Variants in LRRC36 observed in about 807,000 individuals in gnomAD.
LRRC36 encodes leucine rich repeat containing 36.
LRRC36 carries 62 observed loss-of-function variants against 81.1 expected under a neutral mutation model. The observed-to-expected ratio is 0.76, with a 90% CI of 0.62 to 0.94. The LOEUF is 0.94. LRRC36 is among the 40% of genes least tolerant of loss of function. LRRC36 has a pLI of 0.00. For synonymous variants in LRRC36, 334 were observed against 348.6 expected (o/e 0.96, Z 0.47); for missense variants, 761 against 881.7 (o/e 0.86, Z 1.73).
intron 9 of LRRC36, chr16:67,371,899 T>C (rs2142134344): frequency 6.5e-6 from 1 of 153,066 alleles, no homozygotes; most frequent in African/African-American, 2.4e-5. Context: ...AATAAAAGCA[T>C]TGCTTTGCTT....
At chr16:67,361,860 C>T (rs1054913673) in intron 5 of LRRC36, among the ~76,000 whole-genome samples, 1 of 152,122 alleles carries the variant, frequency 6.6e-6, no homozygotes, top group Admixed American at 6.5e-5. Context: ...AGCCACCATG[C>T]CTGGCCCTAA....
Position 67,346,408 on chromosome 16 carries a change from G to A in LRRC36, c.351G>A (p.Arg117=). Reference sequence around the variant, plus strand: ...TTGTAAGGAAAGATACAGATTATAGGCTCTTTGCTGTATATACACTACAAA... The same window carrying A: ...TTGTAAGGAAAGATACAGATTATAGACTCTTTGCTGTATATACACTACAAA... The part of the protein sequence containing the change: ...NPVVRKDTDY[R]LFAVYTLQTL... The change falls in exon 3 of 14, where the codon AGG becomes AGA. Residue 117 remains arginine, a synonymous_variant. Transcript: ENST00000329956. 1 of 1,612,502 alleles carries A rather than the reference G, an allele frequency of 6.2e-7. No homozygotes were observed. The highest frequency in any genetic ancestry group is 8.5e-7 in the Non-Finnish European group (1 of 1,178,962).
intron 5 of LRRC36, among the ~76,000 whole-genome samples, chr16:67,358,494 ATT>A (rs112646894): frequency 6.4e-4 from 86 of 134,418 alleles, no homozygotes; most frequent in Admixed American, 9.0e-4. Context: ...GTCGCCACTA[ATT>A]TTTTTTTTTT....
intron 10 of LRRC36, among the ~76,000 whole-genome samples, chr16:67,375,909 C>A (rs928919398): frequency 6.6e-6 from 1 of 152,158 alleles, no homozygotes; most frequent in African/African-American, 2.4e-5. Context: ...ATGTTGGCTT[C>A]ATGCATTTAT....
At chr16:67,352,642 CTTAT>C (rs140957876) in intron 5 of LRRC36, among the ~76,000 whole-genome samples, 34,739 of 142,638 alleles carry the variant, frequency 0.24, 4,339 homozygotes, top group Middle Eastern at 0.38. Flanking sequence ...AAATAAATGT[CTTAT>C]TTATTTATTT....
intron 1 of LRRC36, among the ~76,000 whole-genome samples, chr16:67,341,221 T>C (rs996184831): frequency 2.9e-5 from 4 of 139,390 alleles, no homozygotes; most frequent in African/African-American, 1.0e-4. Flanking sequence ...ATTTAATATA[T>C]AATTTAATAT....
chr16:67,369,183 A>C (rs2039530670), intron 8 of LRRC36, among the ~76,000 whole-genome samples: 1 of 152,192 alleles, frequency 6.6e-6, no homozygotes, highest in South Asian at 2.1e-4. Context: ...ATCTCACCAA[A>C]AGAGTGAATA....
At chr16:67,366,895 A>G in intron 7 of LRRC36, 122 bp from the exon 8 acceptor site, 2 of 736,978 alleles carry the variant, frequency 2.7e-6, no homozygotes, top group Non-Finnish European at 4.5e-6. Flanking sequence ...AGAATTATAA[A>G]CCACCTCTTC....
chr16:67,346,633 G>A (rs555879585), intron 3 of LRRC36, among the ~76,000 whole-genome samples, 185 bp downstream of exon 3: 2 of 152,250 alleles, frequency 1.3e-5, no homozygotes, highest in African/African-American at 4.8e-5. Flanking sequence ...TTGAATGACA[G>A]TCTATGATTT....
rs1254262217 is a variant in LRRC36 at position 67,367,845 on chromosome 16, G to A, written c.1195+388G>A. Among the ~76,000 whole-genome samples the A allele has an allele frequency of 2.0e-5, 3 of 152,276 alleles. No homozygotes were observed. The East Asian group carries it at 5.8e-4, about 29-fold the overall frequency. ...AGCCGGGTGGATCACGAGGTCAGGA[G>A]TTCGACACCAGCCTGGCCAACATGG... On this transcript the variant is annotated intron_variant, in intron 8 of 13. Transcript: ENST00000329956.
At position 67,347,541 on chromosome 16, in the gene LRRC36, T is replaced by C. The variant is rs1412249043; in HGVS notation, c.438T>C (p.His146=). ...GTGAGAGAAAAGCTGCCAAGCTGCATTTTAGTCAGTTGGGCAACAGTGAAA... is the reference window on the plus strand; with the variant it reads ...GTGAGAGAAAAGCTGCCAAGCTGCACTTTAGTCAGTTGGGCAACAGTGAAA... ...REGERKAAKL[H]FSQLGNSENF... Residue 146 remains histidine (H), a synonymous_variant, in exon 4 of 14, where the codon CAT becomes CAC. Transcript: ENST00000329956. 3.7e-6 allele frequency: 6 copies of C among 1,613,022 alleles called. No individual in the cohort carries two copies. Among genetic ancestry groups the C allele is most frequent in the Non-Finnish European group, 5.1e-6 (6 of 1,179,146 alleles).
chr16:67,341,376 C>T (rs2038075446), intron 1 of LRRC36, among the ~76,000 whole-genome samples: 1 of 149,640 alleles, frequency 6.7e-6, no homozygotes. Flanking sequence ...CTTGTAACAC[C>T]TTATGAATTG....
intron 1 of LRRC36, among the ~76,000 whole-genome samples, chr16:67,327,623 A>G (rs1205510756): frequency 6.6e-6 from 1 of 152,154 alleles, no homozygotes; most frequent in Non-Finnish European, 1.5e-5. Flanking sequence ...AGAGATGAAA[A>G]TTTTGGAGAC....
chr16:67,355,847 T>G (rs1344582962), intron 5 of LRRC36, among the ~76,000 whole-genome samples: 2 of 152,046 alleles, frequency 1.3e-5, no homozygotes, highest in South Asian at 2.1e-4. Flanking sequence ...ATGGCAGATA[T>G]GGAAACAAAG....
intron 1 of LRRC36, among the ~76,000 whole-genome samples, chr16:67,332,917 G>T (rs1267086825): frequency 6.6e-6 from 1 of 151,136 alleles, no homozygotes; most frequent in Non-Finnish European, 1.5e-5. Context: ...AAAAAAACAT[G>T]GTCTTATTCT....
intron 9 of LRRC36, among the ~76,000 whole-genome samples, chr16:67,372,665 G>A (rs1428563286): frequency 6.6e-6 from 1 of 152,224 alleles, no homozygotes; most frequent in Non-Finnish European, 1.5e-5. Flanking sequence ...GCCCTGTAAG[G>A]AAGCAGGAGA....
intron 1 of LRRC36, among the ~76,000 whole-genome samples, chr16:67,334,445 C>G (rs1361221000): frequency 1.3e-5 from 2 of 152,148 alleles, no homozygotes; most frequent in African/African-American, 4.8e-5. Flanking sequence ...ATGCCTCAGC[C>G]TCCCAAGTAG....
rs1392531773 is a variant in LRRC36, at chr16:67,349,256, A to G, written c.489-946A>G. 5.9e-5 allele frequency among the ~76,000 whole-genome samples: 9 copies of G among 152,216 alleles called. 1 individual carries two copies. The East Asian group carries it at 1.7e-3, about 29-fold the overall frequency. ...AAAACTGGAGGAAAAATGTTACTCA[A>G]GTACCCTGTATTAACATTAATATCT... On this transcript the variant is annotated intron_variant, in intron 4 of 13. Transcript: ENST00000329956.
chr16:67,374,832 C>A (rs115976063), intron 9 of LRRC36, among the ~76,000 whole-genome samples: 4,070 of 151,886 alleles, frequency 0.027, 94 homozygotes, highest in South Asian at 0.063. Flanking sequence ...TCATCTTTTT[C>A]ACTTTTTAAA....
Sources: allele counts gnomAD v4.1 joint callset (sites outside exome capture counted in the v4.1 genomes callset), GRCh38; gene constraint gnomAD v4.1.1; transcripts MANE v1.5; gene names NCBI Gene and HGNC (gene_info 2026-07-23, HGNC 2026-07-21).